Variants in ADAM18 observed in about 807,000 individuals in gnomAD.
ADAM18 encodes ADAM metallopeptidase domain 18, also known as disintegrin and metalloproteinase domain-containing protein 18.
A neutral mutation model predicts 94.4 loss-of-function variants in ADAM18; 117 were observed. The observed-to-expected ratio is 1.24, with a 90% CI of 1.07 to 1.45. The LOEUF (loss-of-function observed/expected upper bound fraction) is 1.45, where lower values mean the gene tolerates loss of function less well. Ranked by LOEUF, ADAM18 falls within the 40% of genes most tolerant of loss-of-function variation. The probability of loss-of-function intolerance (pLI) is 0.00; values close to 1 mark genes in which losing one functional copy is unlikely to be tolerated. For missense variants in ADAM18, 936 were observed against 880.0 expected (o/e 1.06, Z -0.81); for synonymous variants, 327 against 291.6 (o/e 1.12, Z -1.24).
intron 18 of ADAM18, among the ~76,000 whole-genome samples, chr8:39,720,475 CT>C (rs1242108899): frequency 1.3e-5 from 2 of 151,330 alleles, no homozygotes; most frequent in African/African-American, 2.4e-5. Context: ...CTCAGTAAAG[CT>C]GTTAAAATAA....
chr8:39,629,355 C>A lies in ADAM18; in HGVS notation c.523-19C>A. ...ATACATGTTAACATTTTATAAATCC[C>A]GTTGTTGTTGTTTTCCAGATAAAAA... On this transcript the variant is annotated intron_variant, in intron 6 of 19. Coordinates refer to ENST00000265707, the MANE Select transcript of ADAM18 (RefSeq NM_014237.3). The A allele has an allele frequency of 6.5e-7, 1 of 1,527,198 alleles. No homozygotes were observed. The allele number at this position is 1,527,198 out of a possible 1,614,324, so 94.6% of individuals were successfully genotyped here. A position where few individuals can be genotyped will look rare whatever the true frequency, so the allele number is the denominator to read the frequency against.
At chr8:39,714,983 A>C (rs1316489153) in intron 18 of ADAM18, among the ~76,000 whole-genome samples, 2 of 152,108 alleles carry the variant, frequency 1.3e-5, no homozygotes, top group African/African-American at 4.8e-5. Context: ...AACTTGATCT[A>C]GTTATATTTA....
chr8:39,674,115 G>A (rs930419973), intron 14 of ADAM18, among the ~76,000 whole-genome samples: 1 of 152,188 alleles, frequency 6.6e-6, no homozygotes, highest in African/African-American at 2.4e-5. Context: ...TTGGGGTGGA[G>A]AGTTCTGTAG....
intron 6 of ADAM18, among the ~76,000 whole-genome samples, chr8:39,623,039 A>G (rs1819658626): frequency 6.6e-6 from 1 of 151,900 alleles, no homozygotes; most frequent in Non-Finnish European, 1.5e-5. Context: ...CACCTTCCCC[A>G]TTTCTGAATC....
intron 16 of ADAM18, among the ~76,000 whole-genome samples, chr8:39,692,081 A>G (rs1278481000): frequency 6.6e-6 from 1 of 151,928 alleles, no homozygotes; most frequent in Non-Finnish European, 1.5e-5. Context: ...ATTCACCACC[A>G]TATTACACAT....
intron 15 of ADAM18, among the ~76,000 whole-genome samples, chr8:39,679,100 A>G (rs1050993421): frequency 6.6e-6 from 1 of 152,188 alleles, no homozygotes; most frequent in East Asian, 1.9e-4. Flanking sequence ...GACAAAAGTG[A>G]AATGTAATTT....
chr8:39,671,885 A>T (rs966453670), intron 14 of ADAM18, among the ~76,000 whole-genome samples: 4 of 152,204 alleles, frequency 2.6e-5, no homozygotes, highest in Non-Finnish European at 5.9e-5. Flanking sequence ...TGCTGGCATC[A>T]GGGAAGTACA....
chr8:39,643,839 C>T (rs1262228351), intron 10 of ADAM18, among the ~76,000 whole-genome samples: 1 of 150,842 alleles, frequency 6.6e-6, no homozygotes, highest in Non-Finnish European at 1.5e-5. Flanking sequence ...CCATATTTCC[C>T]TCTCTGATCT....
At chr8:39,670,579 C>T (rs1821126074) in intron 14 of ADAM18, among the ~76,000 whole-genome samples, 1 of 152,124 alleles carries the variant, frequency 6.6e-6, no homozygotes, top group South Asian at 2.1e-4. Context: ...CATCGAGTGT[C>T]TAAATGCAAA....
At chr8:39,611,509 C>G (rs1819270796) in intron 6 of ADAM18, 16 of 984,364 alleles carry the variant, frequency 1.6e-5, no homozygotes, top group Non-Finnish European at 1.9e-5. Flanking sequence ...TAAAATTTGT[C>G]TCGATTTTGT....
At chr8:39,724,468 C>T (rs1035590356) in intron 19 of ADAM18, among the ~76,000 whole-genome samples, 11 of 151,256 alleles carry the variant, frequency 7.3e-5, no homozygotes, top group Non-Finnish European at 1.3e-4. Flanking sequence ...TTGTTCAGAC[C>T]GGTTAAAGGT....
intron 12 of ADAM18, among the ~76,000 whole-genome samples, chr8:39,661,964 C>G (rs1273202164): frequency 6.7e-6 from 1 of 149,944 alleles, no homozygotes; most frequent in East Asian, 1.9e-4. Flanking sequence ...TAAAGGCAAC[C>G]AGATATCATA....
chr8:39,602,836 T>C (rs1818947559), intron 2 of ADAM18, among the ~76,000 whole-genome samples: 1 of 152,202 alleles, frequency 6.6e-6, no homozygotes, highest in Non-Finnish European at 1.5e-5. Flanking sequence ...TTCTCCTGTA[T>C]GGATTATGCT....
intron 12 of ADAM18, among the ~76,000 whole-genome samples, chr8:39,650,980 A>T (rs1820517894): frequency 6.6e-6 from 1 of 152,226 alleles, no homozygotes; most frequent in Admixed American, 6.5e-5. Context: ...TTTATTGATC[A>T]TTATCGGGCG....
At position 39,729,952 on chromosome 8, in the gene ADAM18, A is replaced by G; in HGVS notation, c.*12A>G. On this transcript the variant is annotated 3_prime_UTR_variant, in exon 20 of 20. Coordinates refer to ENST00000265707, the MANE Select transcript of ADAM18 (RefSeq NM_014237.3). ...ACGTGGGACATTAATATTGCACAGA[A>G]CTTCCATAGCAAATAACCTAAAGGA... 1 of 1,609,442 alleles carries G rather than the reference A, an allele frequency of 6.2e-7. No individual in the cohort carries two copies. The highest frequency in any genetic ancestry group is 2.2e-5 in the East Asian group (1 of 44,858).
intron 10 of ADAM18, among the ~76,000 whole-genome samples, chr8:39,643,536 G>T (rs373164565): frequency 2.0e-5 from 3 of 151,996 alleles, no homozygotes; most frequent in Admixed American, 6.6e-5. Context: ...ACAAAATACC[G>T]CAAACTGAGC....
intron 10 of ADAM18, among the ~76,000 whole-genome samples, chr8:39,639,680 T>C (rs1820181516): frequency 6.6e-6 from 1 of 152,098 alleles, no homozygotes; most frequent in South Asian, 2.1e-4. Flanking sequence ...ATTGCCTTGA[T>C]TGTGTGCCTT....
chr8:39,636,721 T>C (rs1405773912), intron 7 of ADAM18, among the ~76,000 whole-genome samples: 1 of 151,924 alleles, frequency 6.6e-6, no homozygotes, highest in Admixed American at 6.6e-5. Flanking sequence ...ACATTAGGTC[T>C]CTAGACTTAC....
chr8:39,649,197 A>G (rs987847314), intron 12 of ADAM18, among the ~76,000 whole-genome samples: 2 of 152,094 alleles, frequency 1.3e-5, no homozygotes, highest in Non-Finnish European at 2.9e-5. Context: ...TCCTCCCTAC[A>G]TAAACAGCTG....
Sources: allele counts gnomAD v4.1 joint callset (sites outside exome capture counted in the v4.1 genomes callset), GRCh38; gene constraint gnomAD v4.1.1; transcripts MANE v1.5; gene names NCBI Gene and HGNC (gene_info 2026-07-23, HGNC 2026-07-21).